Variants in PTGIS observed in about 807,000 individuals in gnomAD.
PTGIS encodes the protein prostacyclin synthase.
PTGIS carries 45 observed loss-of-function variants against 50.3 expected under a neutral mutation model. The observed-to-expected ratio is 0.90, with a 90% CI of 0.70 to 1.15. PTGIS has a LOEUF of 1.15. Ranked by LOEUF, PTGIS falls within the 50% of genes most tolerant of loss-of-function variation. The probability of loss-of-function intolerance (pLI) is 0.00; values close to 1 mark genes in which losing one functional copy is unlikely to be tolerated. For synonymous variants in PTGIS, 260 were observed against 267.7 expected (o/e 0.97, Z 0.28); for missense variants, 668 against 661.3 (o/e 1.01, Z -0.11).
At chr20:49,513,010 T>G in intron 8 of PTGIS, 70 bp downstream of exon 8, 1 of 1,576,402 alleles carries the variant, frequency 6.3e-7, no homozygotes, top group Non-Finnish European at 8.7e-7. Flanking sequence ...GCCACTCAGA[T>G]CTGGCTCATC....
intron 3 of PTGIS, 48 bp from the exon 4 acceptor site, chr20:49,544,496 A>G (rs1440078824): frequency 1.2e-6 from 2 of 1,610,238 alleles, no homozygotes; most frequent in East Asian, 2.2e-5. Context: ...AAAGGGAAAT[A>G]CACACCTACA....
chr20:49,541,734 T>C (rs940170451), intron 4 of PTGIS, among the ~76,000 whole-genome samples: 4 of 151,710 alleles, frequency 2.6e-5, no homozygotes, highest in Admixed American at 6.6e-5. Flanking sequence ...ACTTTGTCTT[T>C]AAAATAAAAT....
chr20:49,513,231 G>GT lies in PTGIS; in HGVS notation c.1054dup (p.Thr352AsnfsTer30). On this transcript the variant is annotated frameshift_variant, in exon 8 of 10. Coordinates refer to ENST00000244043, the MANE Select transcript of PTGIS (RefSeq NM_000961.4). LOFTEE classifies it high-confidence loss of function. ...CTCGCGGGTGATGAAGGGGGCAGCT[G>GT]TAAGCCTGAGGCTCTCACTCAGCAC... 6.2e-7 allele frequency: 1 copy of GT among 1,613,902 alleles called. No homozygotes were observed. Among genetic ancestry groups the GT allele is most frequent in the Non-Finnish European group, 8.5e-7 (1 of 1,180,036 alleles).
At chr20:49,550,315 A>G (rs1245673542) in intron 1 of PTGIS, 126 bp from the exon 2 acceptor site, 4 of 1,247,142 alleles carry the variant, frequency 3.2e-6, no homozygotes, top group African/African-American at 1.5e-5. Flanking sequence ...CTCGGGGACT[A>G]TTGCCTCACC....
chr20:49,517,685 T>C (rs943692325), intron 6 of PTGIS, among the ~76,000 whole-genome samples: 3 of 152,228 alleles, frequency 2.0e-5, no homozygotes, highest in African/African-American at 7.2e-5. Context: ...AGGCACTGAC[T>C]GCGGGCCAGA....
chr20:49,546,299 A>T (rs1426572558), intron 3 of PTGIS, among the ~76,000 whole-genome samples: 1 of 152,222 alleles, frequency 6.6e-6, no homozygotes, highest in African/African-American at 2.4e-5. Context: ...AGATTCAGTG[A>T]GCTGTGGATT....
intron 8 of PTGIS, among the ~76,000 whole-genome samples, chr20:49,512,654 T>G (rs1176465726): frequency 1.3e-5 from 2 of 152,164 alleles, no homozygotes; most frequent in African/African-American, 4.8e-5. Flanking sequence ...GAAACTGACA[T>G]TATAACAATC....
At chr20:49,543,056 G>C (rs1982270541) in intron 4 of PTGIS, among the ~76,000 whole-genome samples, 1 of 152,082 alleles carries the variant, frequency 6.6e-6, no homozygotes. Context: ...TAATTTCTTG[G>C]AGGGGTTGAA....
At chr20:49,536,416 T>C (rs1323574553) in intron 5 of PTGIS, among the ~76,000 whole-genome samples, 1 of 151,930 alleles carries the variant, frequency 6.6e-6, no homozygotes, top group African/African-American at 2.4e-5. Context: ...ATCTGGCACA[T>C]AGTAAGTGCT....
chr20:49,567,207 G>T (rs897546685), intron 1 of PTGIS, among the ~76,000 whole-genome samples: 1 of 152,162 alleles, frequency 6.6e-6, no homozygotes, highest in African/African-American at 2.4e-5. Context: ...TGCAATTCAA[G>T]TTAACTTAAA....
rs979170315 is a variant in PTGIS at position 49,505,298 on chromosome 20, C to T, written c.*2622G>A. On this transcript the variant is annotated 3_prime_UTR_variant, in exon 10 of 10. Transcript: ENST00000244043. ...TAGCGCATAGCAGGTAGCTAACCCA[C>T]TCATCTCTCCCTCTTTTCTTTATAG... 5 of 152,130 alleles carry T rather than the reference C, an allele frequency of 3.3e-5. No homozygotes were observed. The highest frequency in any genetic ancestry group is 3.3e-4 in the Admixed American group (5 of 15,270). 9.4% of individuals were successfully genotyped at this position (152,130 alleles called of 1,614,324 possible).
rs1275276430 is a variant in PTGIS, at chr20:49,550,116, C to G, written c.148G>C (p.Ala50Pro). The G allele has an allele frequency of 5.0e-6, 8 of 1,614,196 alleles. No homozygotes were observed. Among genetic ancestry groups the G allele is most frequent in the Non-Finnish European group, 6.8e-6 (8 of 1,180,036 alleles). ...TTCATCCTCGTGAGGAAGCTGGCAG[C>G]ATCTTTTCCAAAGTCCAAGGCATAC... ...LGYALDFGKD[A>P]ASFLTRMKEK... The change falls in exon 2 of 10, where the codon GCT becomes CCT. Residue 50 changes from alanine (A) to proline (P), a missense_variant. By Grantham distance (27) the Ala-to-Pro change is conservative. Transcript: ENST00000244043.
intron 5 of PTGIS, among the ~76,000 whole-genome samples, chr20:49,528,099 C>T (rs962687849): frequency 2.0e-5 from 3 of 152,156 alleles, no homozygotes; most frequent in Non-Finnish European, 4.4e-5. Flanking sequence ...GAGATGGAGC[C>T]ACTGCACTCC....
chr20:49,514,779 C>CT (rs1981432018), intron 6 of PTGIS, among the ~76,000 whole-genome samples: 1 of 152,210 alleles, frequency 6.6e-6, no homozygotes, highest in Non-Finnish European at 1.5e-5. Context: ...ATCCACGCTC[C>CT]TTACCATGTG....
chr20:49,515,433 C>A (rs1043117926), intron 6 of PTGIS, among the ~76,000 whole-genome samples: 1 of 152,104 alleles, frequency 6.6e-6, no homozygotes, highest in African/African-American at 2.4e-5. Flanking sequence ...TATATGGCAC[C>A]CTTTAGTGAT....
chr20:49,516,771 G>A (rs547828921), intron 6 of PTGIS, among the ~76,000 whole-genome samples: 1 of 152,168 alleles, frequency 6.6e-6, no homozygotes, highest in South Asian at 2.1e-4. Flanking sequence ...AAAGGAAAAC[G>A]AAGTACTCCC....
At chr20:49,546,687 A>T (rs1982370411) in intron 3 of PTGIS, among the ~76,000 whole-genome samples, 1 of 152,184 alleles carries the variant, frequency 6.6e-6, no homozygotes, top group South Asian at 2.1e-4. Flanking sequence ...TGAGCAAGTC[A>T]CTTCACCTCT....
intron 1 of PTGIS, among the ~76,000 whole-genome samples, chr20:49,558,294 T>C (rs898310415): frequency 2.0e-5 from 3 of 151,976 alleles, no homozygotes; most frequent in Admixed American, 6.6e-5. Flanking sequence ...GAGGCTGAGT[T>C]TGGGGGATCA....
At chr20:49,526,152 C>A (rs753821333) in intron 5 of PTGIS, among the ~76,000 whole-genome samples, 3 of 152,166 alleles carry the variant, frequency 2.0e-5, no homozygotes, top group Non-Finnish European at 4.4e-5. Flanking sequence ...CAGGTGCCAA[C>A]CCCAGATTGA....
Sources: allele counts gnomAD v4.1 joint callset (sites outside exome capture counted in the v4.1 genomes callset), GRCh38; gene constraint gnomAD v4.1.1; transcripts MANE v1.5; gene names NCBI Gene and HGNC (gene_info 2026-07-23, HGNC 2026-07-21).